GREM2: variants seen among roughly 807,000 people sequenced by gnomAD.
GREM2 encodes the protein gremlin 2, DAN family BMP antagonist, also known as gremlin-2.
Under a neutral mutation model 14.2 loss-of-function variants are expected in GREM2, and 11 were observed. The observed-to-expected ratio is 0.78, with a 90% confidence interval of 0.49 to 1.28. GREM2 has a LOEUF of 1.28. Ranked by LOEUF, GREM2 falls within the 50% of genes most tolerant of loss-of-function variation. The pLI, the probability that GREM2 is intolerant of heterozygous loss-of-function variation, is 0.00. For missense variants in GREM2, 210 were observed against 218.5 expected, an observed-to-expected ratio of 0.96 and a Z score of 0.24; for synonymous variants, 98 against 97.6, an observed-to-expected ratio of 1.00 and a Z score of -0.02.
At chr1:240,586,662 T>C (rs964238123) in intron 1 of GREM2, among the ~76,000 whole-genome samples, 16 of 152,330 alleles carry the variant, frequency 1.1e-4, no homozygotes, top group South Asian at 8.3e-4. Context: ...GTACCCATGA[T>C]GTTTGTACAC....
intron 1 of GREM2, among the ~76,000 whole-genome samples, chr1:240,561,471 C>T (rs1270622400): frequency 1.3e-5 from 2 of 152,006 alleles, no homozygotes; most frequent in East Asian, 1.9e-4. Flanking sequence ...CCAAGCAAAA[C>T]GTGGAAATCT....
At chr1:240,535,129 C>A (rs1553274961) in intron 1 of GREM2, among the ~76,000 whole-genome samples, 2 of 152,000 alleles carry the variant, frequency 1.3e-5, no homozygotes, top group Non-Finnish European at 2.9e-5. Flanking sequence ...ATTATAAAGA[C>A]AATAATAATA....
chr1:240,593,507 G>A (rs1679751214), intron 1 of GREM2, among the ~76,000 whole-genome samples: 1 of 152,172 alleles, frequency 6.6e-6, no homozygotes, highest in East Asian at 1.9e-4. Flanking sequence ...AGCACAATGA[G>A]TCTACCTAGT....
intron 1 of GREM2, among the ~76,000 whole-genome samples, chr1:240,589,607 C>A (rs925782919): frequency 2.0e-5 from 3 of 152,004 alleles, no homozygotes; most frequent in Non-Finnish European, 4.4e-5. Flanking sequence ...CCTATGAGAA[C>A]AATGGGATCT....
intron 1 of GREM2, among the ~76,000 whole-genome samples, chr1:240,554,214 C>A (rs1318744747): frequency 1.3e-5 from 2 of 151,912 alleles, no homozygotes; most frequent in Non-Finnish European, 1.5e-5. Flanking sequence ...AGTTAGAGAC[C>A]AGCCTGGCCA....
At chr1:240,604,937 A>G (rs1190341519) in intron 1 of GREM2, among the ~76,000 whole-genome samples, 1 of 152,242 alleles carries the variant, frequency 6.6e-6, no homozygotes, top group African/African-American at 2.4e-5. Flanking sequence ...TGGTCCAAGC[A>G]AGCATTAGGT....
chr1:240,589,384 G>A (rs537934409), intron 1 of GREM2, among the ~76,000 whole-genome samples: 1 of 150,766 alleles, frequency 6.6e-6, no homozygotes, highest in South Asian at 2.1e-4. Flanking sequence ...GTGTTGAGCT[G>A]AGATCGTGCC....
intron 1 of GREM2, among the ~76,000 whole-genome samples, chr1:240,511,639 G>C (rs887649521): frequency 1.8e-4 from 27 of 152,098 alleles, no homozygotes; most frequent in Non-Finnish European, 3.5e-4. Context: ...TATAATCCCA[G>C]CTACTTGGGA....
chr1:240,551,498 G>A (rs993806365), intron 1 of GREM2, among the ~76,000 whole-genome samples: 1 of 152,106 alleles, frequency 6.6e-6, no homozygotes, highest in Non-Finnish European at 1.5e-5. Flanking sequence ...ACAGGCACAT[G>A]CCACCACACT....
intron 1 of GREM2, among the ~76,000 whole-genome samples, chr1:240,553,116 G>A (rs79081704): frequency 0.032 from 4,814 of 152,228 alleles, 102 homozygotes; most frequent in Non-Finnish European, 0.047. Flanking sequence ...CAGAAATCAC[G>A]AAGACTTTGA....
At chr1:240,595,869 T>A (rs1679810891) in intron 1 of GREM2, among the ~76,000 whole-genome samples, 1 of 152,128 alleles carries the variant, frequency 6.6e-6, no homozygotes, top group African/African-American at 2.4e-5. Context: ...AGGAAGTGTT[T>A]TAGAGGCAGA....
At chr1:240,573,893 G>A (rs949558762) in intron 1 of GREM2, among the ~76,000 whole-genome samples, 1 of 152,064 alleles carries the variant, frequency 6.6e-6, no homozygotes, top group African/African-American at 2.4e-5. Context: ...AATGAGTTAA[G>A]GGTTTCAAAT....
intron 1 of GREM2, among the ~76,000 whole-genome samples, chr1:240,494,027 C>T (rs552520905): frequency 1.1e-4 from 17 of 152,356 alleles, no homozygotes; most frequent in African/African-American, 3.8e-4. Context: ...TTAGAAAACA[C>T]GCGTGTTGAA....
chr1:240,569,893 T>A (rs1050208898), intron 1 of GREM2, among the ~76,000 whole-genome samples: 1 of 149,928 alleles, frequency 6.7e-6, no homozygotes, highest in African/African-American at 2.5e-5. Flanking sequence ...ACACATAGTT[T>A]ATTGTATGCC....
intron 1 of GREM2, among the ~76,000 whole-genome samples, chr1:240,521,310 T>C (rs2103302985): frequency 6.6e-6 from 1 of 152,320 alleles, no homozygotes; most frequent in East Asian, 1.9e-4. Context: ...GGCTCACGCC[T>C]GTAATCCCAG....
At chr1:240,568,506 T>C (rs1679205001) in intron 1 of GREM2, among the ~76,000 whole-genome samples, 1 of 152,126 alleles carries the variant, frequency 6.6e-6, no homozygotes, top group South Asian at 2.1e-4. Context: ...TAAATTTAAA[T>C]GGCCTAAACA....
intron 1 of GREM2, among the ~76,000 whole-genome samples, chr1:240,519,608 C>T (rs1404908933): frequency 6.6e-6 from 1 of 152,178 alleles, no homozygotes; most frequent in African/African-American, 2.4e-5. Flanking sequence ...ATTAAATATT[C>T]TTTCTTCCTC....
chr1:240,537,805 C>A (rs2103322437), intron 1 of GREM2, among the ~76,000 whole-genome samples: 1 of 152,032 alleles, frequency 6.6e-6, no homozygotes, highest in South Asian at 2.1e-4. Flanking sequence ...AACAAACAAA[C>A]AAAAACACTG....
At chr1:240,555,387 G>T (rs567326637) in intron 1 of GREM2, among the ~76,000 whole-genome samples, 1 of 152,254 alleles carries the variant, frequency 6.6e-6, no homozygotes, top group South Asian at 2.1e-4. Flanking sequence ...TTAGCACAGG[G>T]CCTGGCACAA....
Sources: allele counts gnomAD v4.1 joint callset (sites outside exome capture counted in the v4.1 genomes callset), GRCh38; gene constraint gnomAD v4.1.1; transcripts MANE v1.5; gene names NCBI Gene and HGNC (gene_info 2026-07-23, HGNC 2026-07-21).